Variants in EIF4G3 observed in about 807,000 individuals in gnomAD.
The protein encoded by EIF4G3 is eIF-4-gamma 3.
EIF4G3 carries 34 observed loss-of-function variants against 186.4 expected under a neutral mutation model. The ratio of observed to expected loss-of-function variants is 0.18; its 90% confidence interval spans 0.14 to 0.24. EIF4G3 has a LOEUF of 0.24. Ranked by LOEUF, EIF4G3 falls within the 10% of genes least tolerant of loss-of-function variation. The pLI is 1.00. For missense variants in EIF4G3, 1,536 were observed against 1,948.5 expected, an observed-to-expected ratio of 0.79 and a Z score of 3.99; for synonymous variants, 673 against 679.5, an observed-to-expected ratio of 0.99 and a Z score of 0.15.
intron 4 of EIF4G3, among the ~76,000 whole-genome samples, chr1:21,031,496 C>T (rs1223445833): frequency 1.3e-5 from 2 of 151,666 alleles, no homozygotes; most frequent in Admixed American, 6.6e-5. Flanking sequence ...TGCTGAGTTG[C>T]CTTCCAAGAT....
At position 21,118,931 on chromosome 1, in the gene EIF4G3, TAAAAAAAA is replaced by T. The variant is rs35040627; in HGVS notation, c.-271-29726_-271-29719del. Among the ~76,000 whole-genome samples, 100 of 86,150 alleles carry T rather than the reference TAAAAAAAA, an allele frequency of 1.2e-3. 2 individuals carry two copies. The highest frequency in any genetic ancestry group is 2.6e-3 in the African/African-American group (56 of 21,398). The allele number at this position is 86,150 out of a possible 152,430, so 56.5% of individuals were successfully genotyped here. On this transcript the variant is annotated intron_variant, in intron 2 of 36. Transcript: ENST00000602326. ...CAACATACTGAGAACCAAGCTCTATTAAAAAAAAAAAAAAAAAAAAAAAAGAGAAGAAA... is the reference window on the plus strand; with the variant it reads ...CAACATACTGAGAACCAAGCTCTATTAAAAAAAAAAAAAAAAGAGAAGAAA...
chr1:20,844,968 T>C (rs1043388150), intron 29 of EIF4G3, among the ~76,000 whole-genome samples: 1 of 152,238 alleles, frequency 6.6e-6, no homozygotes, highest in Non-Finnish European at 1.5e-5. Flanking sequence ...AGAAGCTCTA[T>C]AGTTTAATTA....
At chr1:21,014,797 C>T (rs2088392284) in intron 4 of EIF4G3, among the ~76,000 whole-genome samples, 1 of 152,008 alleles carries the variant, frequency 6.6e-6, no homozygotes, top group African/African-American at 2.4e-5. Context: ...CCACACCCGG[C>T]TAGTTTTAGT....
chr1:21,099,788 T>C (rs2096475076), intron 2 of EIF4G3, among the ~76,000 whole-genome samples: 1 of 152,100 alleles, frequency 6.6e-6, no homozygotes, highest in Non-Finnish European at 1.5e-5. Flanking sequence ...AGAAACTATA[T>C]ATCCAAAATA....
At chr1:21,117,509 G>C (rs2096846023) in intron 2 of EIF4G3, among the ~76,000 whole-genome samples, 1 of 151,778 alleles carries the variant, frequency 6.6e-6, no homozygotes, top group South Asian at 2.1e-4. Context: ...ATAAAAAACT[G>C]AATTTTTCTT....
intron 2 of EIF4G3, among the ~76,000 whole-genome samples, chr1:21,123,827 G>A (rs2096972334): frequency 6.6e-6 from 1 of 152,156 alleles, no homozygotes; most frequent in South Asian, 2.1e-4. Flanking sequence ...TAATTCCAGT[G>A]TTGACAAAGA....
intron 14 of EIF4G3, among the ~76,000 whole-genome samples, chr1:20,925,751 T>C (rs746454021): frequency 6.6e-6 from 1 of 152,214 alleles, no homozygotes; most frequent in Non-Finnish European, 1.5e-5. Context: ...AGGCTGATCA[T>C]GAACTCTGGG....
intron 2 of EIF4G3, among the ~76,000 whole-genome samples, chr1:21,131,451 GAAAA>G (rs767743509): frequency 1.5e-4 from 13 of 85,238 alleles, no homozygotes; most frequent in African/African-American, 4.3e-4. Flanking sequence ...GAATTTTCCA[GAAAA>G]AAAAAAAAAA....
chr1:20,864,699 G>A lies in EIF4G3; in HGVS notation c.2783C>T (p.Thr928Ile). 2 of 1,614,008 alleles carry A rather than the reference G, an allele frequency of 1.2e-6. No individual in the cohort carries two copies. The highest frequency in any genetic ancestry group is 1.7e-6 in the Non-Finnish European group (2 of 1,179,922). ...TTCTTCCAGTTCATCATGAAGCCTT[G>A]TCCTCTCCTCTGGCTGTTGTGTAAG... ...LEAASAPEER[T>I]RLHDELEEAK... Residue 928 changes from threonine to isoleucine, a missense_variant, in exon 22 of 37, where the codon ACA (threonine) becomes ATA (isoleucine). By Grantham distance (89) the Thr-to-Ile change is moderately conservative. Around this residue, in one of 11 missense-constraint regions of EIF4G3, gnomAD observed 77 missense variants for 131.6 expected, o/e 0.59. Transcript: ENST00000602326.
intron 2 of EIF4G3, among the ~76,000 whole-genome samples, chr1:21,135,988 C>G (rs2097235611): frequency 6.6e-6 from 1 of 150,578 alleles, no homozygotes. Flanking sequence ...TCGAGACCAT[C>G]CTGGCTAACA....
chr1:20,963,509 C>A (rs569638710), intron 12 of EIF4G3, among the ~76,000 whole-genome samples: 3 of 152,030 alleles, frequency 2.0e-5, no homozygotes, highest in Non-Finnish European at 1.5e-5. Flanking sequence ...TCCTAAGATA[C>A]GCTATCAATC....
At chr1:21,033,414 C>G (rs954153634) in intron 4 of EIF4G3, among the ~76,000 whole-genome samples, 1 of 151,662 alleles carries the variant, frequency 6.6e-6, no homozygotes, top group Non-Finnish European at 1.5e-5. Flanking sequence ...TGAAACCTAA[C>G]AGCAGAGCAG....
rs2058218073 is a variant in EIF4G3 at position 20,807,093 on chromosome 1, C to A, written c.*226G>T. The A allele has an allele frequency of 3.1e-6, 1 of 319,408 alleles. No homozygotes were observed. 19.8% of individuals were successfully genotyped at this position (319,408 alleles called of 1,614,324 possible). On this transcript the variant is annotated 3_prime_UTR_variant, in exon 37 of 37. Coordinates refer to ENST00000602326, the MANE Select transcript of EIF4G3 (RefSeq NM_001391906.1). ...CAGAAAATATTTTCTATAAATAATA[C>A]ATGTATTTTGGTTTTAGTGCTCCCG...
chr1:20,904,662 A>C (rs2091527478), intron 15 of EIF4G3, among the ~76,000 whole-genome samples: 2 of 152,174 alleles, frequency 1.3e-5, no homozygotes, highest in Non-Finnish European at 2.9e-5. Flanking sequence ...TTGTTATTTT[A>C]AAAGAGGTAT....
chr1:21,070,637 T>A (rs927431073), intron 3 of EIF4G3, among the ~76,000 whole-genome samples: 1 of 152,194 alleles, frequency 6.6e-6, no homozygotes, highest in Non-Finnish European at 1.5e-5. Flanking sequence ...TACTAACATT[T>A]TAAGAGCCAA....
At chr1:20,997,303 TA>T (rs2082493528) in intron 7 of EIF4G3, among the ~76,000 whole-genome samples, 1 of 151,874 alleles carries the variant, frequency 6.6e-6, no homozygotes, top group Non-Finnish European at 1.5e-5. Context: ...ACAAAATCTA[TA>T]AACACTTAGT....
At chr1:20,864,447 C>G (rs780721413) in intron 22 of EIF4G3, 29 bp downstream of exon 22, 1 of 1,558,034 alleles carries the variant, frequency 6.4e-7, no homozygotes, top group East Asian at 2.2e-5. Context: ...GGAGCCTTTG[C>G]GAAGGTTTCT....
chr1:20,809,074 A>G (rs1427195027), intron 36 of EIF4G3, among the ~76,000 whole-genome samples: 1 of 151,958 alleles, frequency 6.6e-6, no homozygotes, highest in Non-Finnish European at 1.5e-5. Flanking sequence ...CATGGGTTCA[A>G]GTGATTCTCC....
chr1:20,948,273 C>T (rs1233840863), intron 13 of EIF4G3, among the ~76,000 whole-genome samples: 3 of 152,192 alleles, frequency 2.0e-5, no homozygotes, highest in Non-Finnish European at 2.9e-5. Flanking sequence ...GGTAGCAAGT[C>T]GACTTCCACA....
Sources: allele counts gnomAD v4.1 joint callset (sites outside exome capture counted in the v4.1 genomes callset), GRCh38; gene constraint gnomAD v4.1.1; regional missense constraint gnomAD v4.1.1; transcripts MANE v1.5; gene names NCBI Gene and HGNC (gene_info 2026-07-23, HGNC 2026-07-21).